The following DNAJC15 variants were observed in gnomAD, a reference collection of about 807,000 sequenced individuals.
DNAJC15 encodes the protein DnaJ heat shock protein family (Hsp40) member C15, also known as dnaJ homolog subfamily C member 15.
DNAJC15 carries 27 observed loss-of-function variants against 22.4 expected under a neutral mutation model. The observed-to-expected ratio is 1.20, with a 90% confidence interval of 0.89 to 1.66. The LOEUF is 1.66. Among genes scored for constraint, DNAJC15 ranks in the 40% most tolerant of loss-of-function variants. The pLI is 0.00. For missense variants in DNAJC15, 208 were observed against 187.1 expected, an observed-to-expected ratio of 1.11 and a Z score of -0.65; for synonymous variants, 79 against 63.2, an observed-to-expected ratio of 1.25 and a Z score of -1.19.
chr13:43,061,379 C>T (rs554434651), intron 1 of DNAJC15, among the ~76,000 whole-genome samples: 52 of 152,124 alleles, frequency 3.4e-4, no homozygotes, highest in African/African-American at 1.2e-3. Flanking sequence ...GGATCTGATG[C>T]CTTTTGATGG....
intron 2 of DNAJC15, 79 bp downstream of exon 2, chr13:43,065,816 C>A: frequency 1.5e-6 from 2 of 1,298,056 alleles, no homozygotes; most frequent in South Asian, 1.3e-5. Context: ...TGAGTAGACC[C>A]TTAGTATTCT....
intron 1 of DNAJC15, among the ~76,000 whole-genome samples, chr13:43,038,628 TAAAA>T (rs2040439332): frequency 6.6e-6 from 1 of 151,866 alleles, no homozygotes; most frequent in South Asian, 2.1e-4. Flanking sequence ...CTGTCTCTAC[TAAAA>T]ATACAAAAAA....
chr13:43,095,629 C>T (rs577240266), intron 5 of DNAJC15, among the ~76,000 whole-genome samples: 1 of 151,902 alleles, frequency 6.6e-6, no homozygotes, highest in Non-Finnish European at 1.5e-5. Context: ...GAACCAAACA[C>T]TTATAGATCA....
chr13:43,051,178 A>G (rs2456242), intron 1 of DNAJC15, among the ~76,000 whole-genome samples: 2,719 of 152,188 alleles, frequency 0.018, 69 homozygotes, highest in African/African-American at 0.062. Flanking sequence ...GGGTTTCACC[A>G]TGTTAGCAAG....
chr13:43,069,152 C>T, intron 3 of DNAJC15, 149 bp downstream of exon 3: 1 of 697,728 alleles, frequency 1.4e-6, no homozygotes, highest in East Asian at 2.9e-5. Flanking sequence ...GTCTAATTTA[C>T]TGGCTCAGTT....
intron 1 of DNAJC15, among the ~76,000 whole-genome samples, chr13:43,059,842 TGTTTCGCGGGCATGGG>T (rs1195571389): frequency 9.2e-5 from 14 of 152,114 alleles, no homozygotes; most frequent in Admixed American, 2.6e-4. Context: ...TTAGGAGCAA[TGTTTCGCGGGCATGGG>T]GTGGATCTCA....
chr13:43,024,787 G>A (rs1313213973), intron 1 of DNAJC15, among the ~76,000 whole-genome samples: 1 of 151,532 alleles, frequency 6.6e-6, no homozygotes, highest in Non-Finnish European at 1.5e-5. Flanking sequence ...CCCAAGTGGT[G>A]GTTTAGGCTT....
chr13:43,023,654 G>C lies in DNAJC15; in HGVS notation c.28G>C (p.Val10Leu). The change falls in exon 1 of 6, where the codon GTT becomes CTT. Residue 10 changes from valine (V) to leucine (L), a missense_variant. Coordinates refer to ENST00000379221, the MANE Select transcript of DNAJC15 (RefSeq NM_013238.3). MAARGVIAP[V>L]GESLRYAEYL... Reference sequence around the variant, plus strand: ...GGCTGCCCGTGGTGTCATCGCTCCAGTTGGCGAGAGTTTGCGCTACGCTGA... The same window carrying C: ...GGCTGCCCGTGGTGTCATCGCTCCACTTGGCGAGAGTTTGCGCTACGCTGA... 6.2e-7 allele frequency: 1 copy of C among 1,612,512 alleles called. No homozygotes were observed. The highest frequency in any genetic ancestry group is 1.1e-5 in the South Asian group (1 of 90,756).
intron 3 of DNAJC15, 99 bp from the exon 4 acceptor site, chr13:43,078,513 G>A (rs2040646195): frequency 1.2e-6 from 1 of 866,076 alleles, no homozygotes. Context: ...TTGACTTCTA[G>A]TAAAATGCAT....
At chr13:43,075,897 G>A (rs141598341) in intron 3 of DNAJC15, among the ~76,000 whole-genome samples, 2,049 of 152,256 alleles carry the variant, frequency 0.013, 45 homozygotes, top group African/African-American at 0.044. Flanking sequence ...CTGACCTGAG[G>A]TGATCCGCCC....
In DNAJC15 at chr13:43,110,872, CTTAT is replaced by C. The variant is rs2040821533; in HGVS notation, c.*3627_*3630del. The C allele has an allele frequency of 6.6e-6, 1 of 152,146 alleles. No individual in the cohort carries two copies. Among genetic ancestry groups the C allele is most frequent in the African/African-American group, 2.4e-5 (1 of 41,426 alleles). 9.4% of individuals were successfully genotyped at this position (152,146 alleles called of 1,614,324 possible). A position where few individuals can be genotyped will look rare whatever the true frequency, so the allele number is the denominator to read the frequency against. On this transcript the variant is annotated 3_prime_UTR_variant, in exon 6 of 6. Transcript: ENST00000379221. ...CCCCCAACTCCTTATCTGTAAAAAG[CTTAT>C]TTGAGTGGTTACCTGTCTTCAGTAA...
At chr13:43,035,543 C>T (rs1257940280) in intron 1 of DNAJC15, among the ~76,000 whole-genome samples, 24 of 152,150 alleles carry the variant, frequency 1.6e-4, no homozygotes, top group Non-Finnish European at 1.0e-4. Context: ...AAGAATGGTA[C>T]TTTAAATAGC....
At position 43,081,942 on chromosome 13, in the gene DNAJC15, A is replaced by T. The variant is rs532719363; in HGVS notation, c.311+3254A>T. 1.1e-4 allele frequency among the ~76,000 whole-genome samples: 17 copies of T among 152,240 alleles called. 1 individual carries two copies. In the South Asian group the frequency reaches 3.3e-3, roughly 30 times the overall value. On this transcript the variant is annotated intron_variant, in intron 4 of 5. Coordinates refer to ENST00000379221, the MANE Select transcript of DNAJC15 (RefSeq NM_013238.3). ...GGAGGAGCAAAGGCACATCTTACAT[A>T]GTGGCAGCAGGCAAGAGAGCATGTG...
At chr13:43,097,264 A>C (rs1230030889) in intron 5 of DNAJC15, among the ~76,000 whole-genome samples, 2 of 152,208 alleles carry the variant, frequency 1.3e-5, no homozygotes, top group African/African-American at 4.8e-5. Flanking sequence ...AAAATGAAGA[A>C]AGAATATTTC....
chr13:43,080,817 G>A (rs902018209), intron 4 of DNAJC15, among the ~76,000 whole-genome samples: 8 of 152,184 alleles, frequency 5.3e-5, no homozygotes. Flanking sequence ...TGTCTGTCAC[G>A]AACGCAGAAG....
chr13:43,053,894 A>C (rs368146035), intron 1 of DNAJC15, among the ~76,000 whole-genome samples: 14 of 152,172 alleles, frequency 9.2e-5, no homozygotes, highest in African/African-American at 3.4e-4. Context: ...ACCGATTTGG[A>C]TGCCCTTTAT....
chr13:43,106,552 C>T lies in DNAJC15; in HGVS notation c.383-626C>T, dbSNP rs192522654. Among the ~76,000 whole-genome samples, 18 of 152,058 alleles carry T rather than the reference C, an allele frequency of 1.2e-4. No homozygotes were observed. In the East Asian group the frequency reaches 2.9e-3, roughly 25 times the overall value. ...TCCAAAACTACACTCTGTAAATATT[C>T]GAATAGAATCATTTCAGAGAACAAA... On this transcript the variant is annotated intron_variant, in intron 5 of 5. Transcript: ENST00000379221.
intron 4 of DNAJC15, among the ~76,000 whole-genome samples, chr13:43,079,277 A>C (rs1346516511): frequency 6.6e-6 from 1 of 152,178 alleles, no homozygotes; most frequent in Admixed American, 6.5e-5. Context: ...TTTTGTGGGA[A>C]TTGGTTACAG....
At position 43,085,848 on chromosome 13, in the gene DNAJC15, A is replaced by G. The variant is rs2040685554; in HGVS notation, c.382+10A>G. 6.2e-7 allele frequency: 1 copy of G among 1,610,156 alleles called. No homozygotes were observed. ...AATCACCCAGATAAAGGTAGGTAGA[A>G]TTCCTATTTTTCATAATATGTATAT... On this transcript the variant is annotated intron_variant, in intron 5 of 5. Transcript: ENST00000379221.
Sources: gnomAD v4.1 joint callset for allele counts (sites outside exome capture counted in the v4.1 genomes callset) on GRCh38, gnomAD v4.1.1 for gene constraint, MANE v1.5 for transcripts, NCBI Gene and HGNC (gene_info 2026-07-23, HGNC 2026-07-21) for gene names.